FLACC1: variants seen among roughly 807,000 people sequenced by gnomAD.
The protein encoded by FLACC1 is flagellum associated containing coiled-coil domains 1.
Under a neutral mutation model 62.8 loss-of-function variants are expected in FLACC1, and 66 were observed. The observed-to-expected ratio is 1.05, with a 90% CI of 0.86 to 1.29. The LOEUF (loss-of-function observed/expected upper bound fraction) is 1.29. Ranked by LOEUF, FLACC1 falls within the 50% of genes most tolerant of loss-of-function variation. The probability of loss-of-function intolerance (pLI) is 0.00; values close to 1 mark genes in which losing one functional copy is unlikely to be tolerated. For synonymous variants in FLACC1, 156 were observed against 161.0 expected (o/e 0.97, Z 0.24); for missense variants, 452 against 489.1 (o/e 0.92, Z 0.71).
At chr2:201,355,233 C>T (rs532256312) in intron 1 of FLACC1, among the ~76,000 whole-genome samples, 4 of 151,294 alleles carry the variant, frequency 2.6e-5, no homozygotes, top group African/African-American at 7.3e-5. Flanking sequence ...TGCAGTGAGC[C>T]GAGATCTCAC....
intron 7 of FLACC1, among the ~76,000 whole-genome samples, chr2:201,332,220 A>G (rs1224881283): frequency 6.6e-6 from 1 of 151,990 alleles, no homozygotes; most frequent in East Asian, 1.9e-4. Context: ...ACTAGTTAAC[A>G]TAGTCATCAC....
chr2:201,306,262 C>A (rs549048711), intron 11 of FLACC1, among the ~76,000 whole-genome samples: 1 of 152,018 alleles, frequency 6.6e-6, no homozygotes, highest in African/African-American at 2.4e-5. Flanking sequence ...GGTGCTACAA[C>A]CTGATCTTTT....
At chr2:201,358,706 T>C (rs2110688), upstream of FLACC1, among the ~76,000 whole-genome samples, 85,266 of 150,054 alleles carry the variant, frequency 0.57, 24,446 homozygotes, top group South Asian at 0.78. Context: ...CGTGAGCCAC[T>C]GCGCCCGGCC....
chr2:201,299,665 C>T (rs1482729814), intron 11 of FLACC1, among the ~76,000 whole-genome samples: 1 of 152,134 alleles, frequency 6.6e-6, no homozygotes, highest in Non-Finnish European at 1.5e-5. Context: ...TCTAAATTGA[C>T]AAGCTAGTTC....
Position 201,288,540 on chromosome 2 carries a change from A to C in FLACC1, c.*115T>G. ...TTTCAGACATTCAGAGAGTCAGAGC[A>C]ACCCAAGAACTAAACTCATTATATG... On this transcript the variant is annotated 3_prime_UTR_variant, in exon 15 of 15. Coordinates refer to ENST00000392257, the MANE Select transcript of FLACC1 (RefSeq NM_001127391.3). 7.6e-7 allele frequency: 1 copy of C among 1,308,428 alleles called. No homozygotes were observed. Among genetic ancestry groups the C allele is most frequent in the Non-Finnish European group, 1.0e-6 (1 of 959,458 alleles). 81.1% of individuals were successfully genotyped at this position (1,308,428 alleles called of 1,614,324 possible).
In FLACC1 at chr2:201,325,098, C is replaced by T. The variant is rs147415974; in HGVS notation, c.675+5372G>A. ...GCAGTGAGCCAAGATAGTGCCACCG[C>T]ACTCCAGCCTGGTTGACAGAGTGAG... On this transcript the variant is annotated intron_variant, in intron 9 of 14. Transcript: ENST00000392257. Among the ~76,000 whole-genome samples, 15 of 152,214 alleles carry T rather than the reference C, an allele frequency of 9.9e-5. No individual in the cohort carries two copies. The East Asian group carries it at 2.9e-3, about 29-fold the overall frequency.
chr2:201,320,103 A>C (rs1950375717), intron 9 of FLACC1, among the ~76,000 whole-genome samples: 1 of 152,232 alleles, frequency 6.6e-6, no homozygotes, highest in Non-Finnish European at 1.5e-5. Flanking sequence ...GAGCAGTGGC[A>C]GGAAGATTCT....
In FLACC1 at chr2:201,346,728, T is replaced by TGG; in HGVS notation, c.235-54_235-53insCC. 6.2e-7 allele frequency: 1 copy of TGG among 1,607,872 alleles called. No homozygotes were observed. The highest frequency in any genetic ancestry group is 1.1e-5 in the South Asian group (1 of 90,902). ...ATGGCAGACTTGGAGTGCTGAGATT[T>TGG]TTCCAAATCTTCTCTTATTGCCTCA... On this transcript the variant is annotated intron_variant, in intron 4 of 14. Transcript: ENST00000392257. The surrounding 1 kb of genome is among the most constrained non-coding windows in gnomAD (Gnocchi z 4.0).
intron 1 of FLACC1, among the ~76,000 whole-genome samples, chr2:201,355,921 T>C (rs541857545): frequency 1.3e-5 from 2 of 150,986 alleles, no homozygotes; most frequent in African/African-American, 4.9e-5. Context: ...CCCATGGGAG[T>C]GATACTCAAA....
In FLACC1 at chr2:201,309,244, T is replaced by C. The variant is rs771365924; in HGVS notation, c.682A>G (p.Ile228Val). Residue 228 changes from isoleucine to valine, a missense_variant, in exon 10 of 15, where the codon ATT becomes GTT. By Grantham distance (29) the Ile-to-Val change is conservative. This residue lies in a region of FLACC1 where 301 missense variants were observed against 318.4 expected (regional missense o/e 0.95). Transcript: ENST00000392257. ...KNMFRTYQDS[I>V]YDEMEEKWSK... ...CACTTCTCTTCCATTTCATCATAAATACTGTCCTGGGGAGGTACAAAGGCA... is the reference window on the plus strand; with the variant it reads ...CACTTCTCTTCCATTTCATCATAAACACTGTCCTGGGGAGGTACAAAGGCA... 2.5e-6 allele frequency: 4 copies of C among 1,612,390 alleles called. No homozygotes were observed. The Admixed American group carries it at 6.7e-5, about 27-fold the overall frequency.
At chr2:201,294,161 A>C (rs1366373588) in intron 12 of FLACC1, among the ~76,000 whole-genome samples, 1 of 152,188 alleles carries the variant, frequency 6.6e-6, no homozygotes, top group Non-Finnish European at 1.5e-5. Context: ...ATCCTCCCTA[A>C]CTCATTTTAT....
At chr2:201,353,697 C>A (rs2125627052) in intron 1 of FLACC1, among the ~76,000 whole-genome samples, 1 of 152,290 alleles carries the variant, frequency 6.6e-6, no homozygotes, top group African/African-American at 2.4e-5. Flanking sequence ...AAGCGATTCT[C>A]CCGCCTCAGC....
intron 9 of FLACC1, among the ~76,000 whole-genome samples, chr2:201,310,502 T>G (rs2125565332): frequency 6.6e-6 from 1 of 152,270 alleles, no homozygotes; most frequent in East Asian, 1.9e-4. Flanking sequence ...GATGAAGGCT[T>G]GAGGCTTCAG....
chr2:201,288,921 A>G lies in FLACC1; in HGVS notation c.1143-140T>C, dbSNP rs551078608. 30 of 999,626 alleles carry G rather than the reference A, an allele frequency of 3.0e-5. No individual in the cohort carries two copies. In the South Asian group the frequency reaches 4.8e-4, roughly 16 times the overall value. 61.9% of individuals were successfully genotyped at this position (999,626 alleles called of 1,614,324 possible). A position where few individuals can be genotyped will look rare whatever the true frequency, so the allele number is the denominator to read the frequency against. On this transcript the variant is annotated intron_variant, in intron 14 of 14. Transcript: ENST00000392257. ...CACTCATTACTTGCAGTGGTTTTGA[A>G]TTTAGTGAGGTATGGTGTTCAGGTG...
At chr2:201,303,153 A>C (rs1047188769) in intron 11 of FLACC1, among the ~76,000 whole-genome samples, 21 of 152,048 alleles carry the variant, frequency 1.4e-4, no homozygotes, top group African/African-American at 4.1e-4. Context: ...TGGTTTTTTG[A>C]AAAGATCAAC....
intron 9 of FLACC1, 30 bp from the exon 10 acceptor site, chr2:201,309,280 AAG>A (rs751511419): frequency 4.5e-6 from 7 of 1,546,854 alleles, no homozygotes; most frequent in Non-Finnish European, 6.3e-6. Context: ...CCATGAAGAA[AAG>A]AGTCCTAAAA....
At chr2:201,289,157 A>AC (rs33995331) in intron 14 of FLACC1, among the ~76,000 whole-genome samples, 51,458 of 151,936 alleles carry the variant, frequency 0.34, 10,169 homozygotes, top group East Asian at 0.48. Flanking sequence ...GGATTTAAAA[A>AC]CCACCCTCAG....
intron 9 of FLACC1, among the ~76,000 whole-genome samples, chr2:201,323,086 TG>T (rs1950435440): frequency 6.6e-6 from 1 of 152,134 alleles, no homozygotes; most frequent in African/African-American, 2.4e-5. Flanking sequence ...TCAAGAAATA[TG>T]GGATTATGTT....
chr2:201,310,107 GA>G (rs1177338101), intron 9 of FLACC1, among the ~76,000 whole-genome samples: 1 of 151,938 alleles, frequency 6.6e-6, no homozygotes, highest in Non-Finnish European at 1.5e-5. Context: ...GGAATCCTAG[GA>G]GGGGGAAGGC....
Sources: gnomAD v4.1 joint callset for allele counts (sites outside exome capture counted in the v4.1 genomes callset) on GRCh38, gnomAD v4.1.1 for gene constraint, gnomAD v4.1.1 regional missense constraint, Gnocchi (gnomAD v3.1) non-coding constraint, MANE v1.5 for transcripts, NCBI Gene and HGNC (gene_info 2026-07-23, HGNC 2026-07-21) for gene names.